SLC4A4: variants seen among roughly 807,000 people sequenced by gnomAD.
SLC4A4 encodes electrogenic sodium bicarbonate cotransporter 1.
A neutral mutation model predicts 111.5 loss-of-function variants in SLC4A4; 27 were observed. The ratio of observed to expected loss-of-function variants is 0.24; its 90% CI spans 0.18 to 0.33. The LOEUF is 0.33. Ranked by LOEUF, SLC4A4 falls within the 10% of genes least tolerant of loss-of-function variation. The pLI, the probability that SLC4A4 is intolerant of heterozygous loss-of-function variation, is 1.00. For synonymous variants in SLC4A4, 443 were observed against 463.4 expected, an observed-to-expected ratio of 0.96 and a Z score of 0.57; for missense variants, 909 against 1,315.5, an observed-to-expected ratio of 0.69 and a Z score of 4.78.
At chr4:71,191,965 TA>T (rs1032850425) in intron 1 of SLC4A4, among the ~76,000 whole-genome samples, 1 of 152,116 alleles carries the variant, frequency 6.6e-6, no homozygotes, top group East Asian at 1.9e-4. Flanking sequence ...TTTTGGGGAT[TA>T]AAAAAATCAA....
chr4:71,245,735 C>T (rs1454287216), intron 2 of SLC4A4, among the ~76,000 whole-genome samples: 2 of 152,030 alleles, frequency 1.3e-5, no homozygotes, highest in Non-Finnish European at 2.9e-5. Context: ...GAGTCCTAGG[C>T]ATATAGCTAG....
intron 7 of SLC4A4, among the ~76,000 whole-genome samples, chr4:71,421,476 C>T (rs977409877): frequency 1.9e-4 from 29 of 152,112 alleles, no homozygotes; most frequent in South Asian, 4.2e-4. Context: ...CAGCTCTGCA[C>T]CAGGCGGACC....
At chr4:71,521,672 A>G (rs892894062) in intron 16 of SLC4A4, among the ~76,000 whole-genome samples, 9 of 152,202 alleles carry the variant, frequency 5.9e-5, no homozygotes, top group African/African-American at 2.2e-4. Context: ...TGGAAACCAC[A>G]GAAGATGTGG....
intron 16 of SLC4A4, among the ~76,000 whole-genome samples, chr4:71,521,263 A>G (rs1389834940): frequency 1.3e-5 from 2 of 152,018 alleles, no homozygotes; most frequent in East Asian, 3.9e-4. Context: ...ATGAGGTCTT[A>G]TTCAGTAACC....
chr4:71,545,293 A>C (rs560176835), intron 18 of SLC4A4, among the ~76,000 whole-genome samples: 1 of 151,992 alleles, frequency 6.6e-6, no homozygotes, highest in African/African-American at 2.4e-5. Flanking sequence ...AGAGGAGAGC[A>C]GTGTTGTGAC....
At chr4:71,437,093 CT>C in intron 7 of SLC4A4, 11 of 440,232 alleles carry the variant, frequency 2.5e-5, no homozygotes, top group East Asian at 6.5e-5. Flanking sequence ...TCTTTGTGGA[CT>C]TTTTCCCACT....
chr4:71,327,623 T>C (rs969689597), intron 3 of SLC4A4, among the ~76,000 whole-genome samples: 1 of 151,984 alleles, frequency 6.6e-6, no homozygotes, highest in African/African-American at 2.4e-5. Context: ...AAAATATTAG[T>C]TATTGCTTAT....
At chr4:71,352,476 A>G (rs1043988856) in intron 5 of SLC4A4, among the ~76,000 whole-genome samples, 1 of 152,192 alleles carries the variant, frequency 6.6e-6, no homozygotes, top group Non-Finnish European at 1.5e-5. Context: ...TACTTACTCT[A>G]TGGGAAGATG....
chr4:71,443,083 ACTCTCT>A (rs1180993467), intron 8 of SLC4A4, among the ~76,000 whole-genome samples: 9 of 31,446 alleles, frequency 2.9e-4, no homozygotes, highest in East Asian at 2.1e-3. Flanking sequence ...AGAGGCCACT[ACTCTCT>A]CTCTCTCTCT....
intron 2 of SLC4A4, among the ~76,000 whole-genome samples, chr4:71,156,565 TGCGCGCATGCGCGCGCGCGCGC>T (rs33967165): frequency 7.3e-5 from 2 of 27,398 alleles, no homozygotes; most frequent in African/African-American, 8.7e-5. Flanking sequence ...AATAAGTGTG[TGCGCGCATGCGCGCGCGCGCGC>T]GCACACACAC....
intron 16 of SLC4A4, among the ~76,000 whole-genome samples, chr4:71,502,723 T>C (rs1731055714): frequency 1.3e-5 from 2 of 152,202 alleles, no homozygotes; most frequent in African/African-American, 4.8e-5. Flanking sequence ...TTCTTAAATT[T>C]TCTAAGACTA....
At chr4:71,099,643 G>C (rs1742658362) in intron 2 of SLC4A4, among the ~76,000 whole-genome samples, 1 of 152,060 alleles carries the variant, frequency 6.6e-6, no homozygotes, top group African/African-American at 2.4e-5. Context: ...AAAGATCAAT[G>C]AATCCAGGAG....
At chr4:71,447,838 A>C in intron 9 of SLC4A4, 105 bp downstream of exon 9, 1 of 778,308 alleles carries the variant, frequency 1.3e-6, no homozygotes, top group East Asian at 2.7e-5. Flanking sequence ...TGGTTACTAG[A>C]CTTCCTTATA....
Position 71,197,261 on chromosome 4 carries a change from A to G in SLC4A4, c.-2+9860A>G, listed in dbSNP as rs73828768. 4.0e-3 allele frequency among the ~76,000 whole-genome samples: 614 copies of G among 152,310 alleles called. 4 individuals are homozygous for G. Among genetic ancestry groups the G allele is most frequent in the South Asian group, 0.021 (99 of 4,828 alleles). ...TATTTCTTCTGGAGATATTCCTCCA[A>G]TGCAGTAGCTGTGATCATTGCTATT... is the stretch of plus-strand genomic sequence containing the variant. On this transcript the variant is annotated intron_variant, in intron 1 of 25. Transcript: ENST00000264485.
chr4:71,229,430 T>G (rs570236968), intron 1 of SLC4A4, among the ~76,000 whole-genome samples: 1 of 152,352 alleles, frequency 6.6e-6, no homozygotes, highest in Non-Finnish European at 1.5e-5. Flanking sequence ...AGAGTACAAA[T>G]GAACTTTTAA....
In SLC4A4 at chr4:71,566,630, C is replaced by A. The variant is rs893203657; in HGVS notation, c.3197-374C>A. Among the ~76,000 whole-genome samples, 3 of 151,060 alleles carry A rather than the reference C, an allele frequency of 2.0e-5. No homozygotes were observed. In the East Asian group the frequency reaches 5.9e-4, roughly 30 times the overall value. On this transcript the variant is annotated intron_variant, in intron 24 of 25. Transcript: ENST00000264485. Reference sequence around the variant, plus strand: ...AGTAGTGTTGCAGTATGAGTAAGTGCCTCAAAAAAAAAAATCTTTTTTTCC... The same window carrying A: ...AGTAGTGTTGCAGTATGAGTAAGTGACTCAAAAAAAAAAATCTTTTTTTCC...
intron 3 of SLC4A4, chr4:71,300,602 G>A (rs761123272): frequency 2.3e-4 from 64 of 279,814 alleles, no homozygotes; most frequent in East Asian, 8.9e-4. Flanking sequence ...GGCAGCTGCC[G>A]TCTCTTCATG....
intron 2 of SLC4A4, among the ~76,000 whole-genome samples, chr4:71,168,177 CTTTTTTTTTTT>C (rs777092928): frequency 5.6e-5 from 6 of 106,242 alleles, no homozygotes; most frequent in Admixed American, 9.7e-5. Flanking sequence ...CAATTATACT[CTTTTTTTTTTT>C]TTTTTTTTTT....
intron 18 of SLC4A4, among the ~76,000 whole-genome samples, chr4:71,544,251 G>A (rs1386504378): frequency 6.6e-6 from 1 of 151,962 alleles, no homozygotes; most frequent in Non-Finnish European, 1.5e-5. Context: ...AAAAGGTGAG[G>A]GTTAATTTAA....
Sources: allele counts gnomAD v4.1 joint callset (sites outside exome capture counted in the v4.1 genomes callset), GRCh38; gene constraint gnomAD v4.1.1; transcripts MANE v1.5; gene names NCBI Gene and HGNC (gene_info 2026-07-23, HGNC 2026-07-21).